The following GABRB1 variants were observed in gnomAD, a reference collection of about 807,000 sequenced individuals.
GABRB1 encodes the protein gamma-aminobutyric acid type A receptor subunit beta1.
Under a neutral mutation model 51.6 loss-of-function variants are expected in GABRB1, and 17 were observed. The ratio of observed to expected loss-of-function variants is 0.33; its 90% CI spans 0.23 to 0.49. The LOEUF (loss-of-function observed/expected upper bound fraction) is 0.49, where lower values mean the gene tolerates loss of function less well. Ranked by LOEUF, GABRB1 falls within the 20% of genes least tolerant of loss-of-function variation. The probability of loss-of-function intolerance (pLI) is 0.99; values close to 1 mark genes in which losing one functional copy is unlikely to be tolerated. For missense variants in GABRB1, 410 were observed against 600.6 expected (o/e 0.68, Z 3.32); for synonymous variants, 247 against 218.9 (o/e 1.13, Z -1.14).
At position 47,107,433 on chromosome 4, in the gene GABRB1, A is replaced by G. The variant is rs536018080; in HGVS notation, c.241-53816A>G. 3.9e-5 allele frequency among the ~76,000 whole-genome samples: 6 copies of G among 152,094 alleles called. No individual in the cohort carries two copies. The East Asian group carries it at 1.2e-3, about 29-fold the overall frequency. ...TTTGTCCCACTGTGATTTTTTTTCA[A>G]TATTGATTTCACTCATCAGAATTTG... On this transcript the variant is annotated intron_variant, in intron 3 of 8. Coordinates refer to ENST00000295454, the MANE Select transcript of GABRB1 (RefSeq NM_000812.4).
rs56838956 is a variant in GABRB1, at chr4:47,254,361, G to GTTTTTTTTTTTTTTTTTTTTTT, written c.462-65756_462-65735dup. Among the ~76,000 whole-genome samples, 6 of 80,966 alleles carry GTTTTTTTTTTTTTTTTTTTTTT rather than the reference G, an allele frequency of 7.4e-5. 1 individual carries two copies. The highest frequency in any genetic ancestry group is 3.1e-4 in the African/African-American group (6 of 19,264). 53.1% of individuals were successfully genotyped at this position (80,966 alleles called of 152,430 possible). A position where few individuals can be genotyped will look rare whatever the true frequency, so the allele number is the denominator to read the frequency against. The stretch of plus-strand genomic sequence containing the variant: ...ATGGTGGATGATGTTTCTTTTCTTT[G>GTTTTTTTTTTTTTTTTTTTTTT]TTTTTTTTTTTTTTTTTTTTTTTTT... On this transcript the variant is annotated intron_variant, in intron 4 of 8. Coordinates refer to ENST00000295454, the MANE Select transcript of GABRB1 (RefSeq NM_000812.4).
chr4:47,095,927 C>T (rs1051347603), intron 3 of GABRB1, among the ~76,000 whole-genome samples: 9 of 152,158 alleles, frequency 5.9e-5, no homozygotes, highest in African/African-American at 2.2e-4. Context: ...GTTTGAGGAA[C>T]AATGCAAAAT....
chr4:47,296,647 C>T (rs941312765), intron 4 of GABRB1, among the ~76,000 whole-genome samples: 2 of 152,150 alleles, frequency 1.3e-5, no homozygotes, highest in Non-Finnish European at 2.9e-5. Flanking sequence ...TAGACTCCCA[C>T]ACAATAATAA....
chr4:47,119,744 G>A (rs1306126439), intron 3 of GABRB1, among the ~76,000 whole-genome samples: 1 of 151,990 alleles, frequency 6.6e-6, no homozygotes, highest in Non-Finnish European at 1.5e-5. Context: ...CCCAACCTCA[G>A]GTGATCTGCC....
chr4:47,277,724 CTT>C (rs1370689106), intron 4 of GABRB1, among the ~76,000 whole-genome samples: 1 of 151,800 alleles, frequency 6.6e-6, no homozygotes, highest in Non-Finnish European at 1.5e-5. Context: ...ATAAACCAAA[CTT>C]CACATCTAAT....
chr4:47,403,783 T>C (rs1728479194), intron 7 of GABRB1, 72 bp downstream of exon 7: 3 of 1,484,026 alleles, frequency 2.0e-6, no homozygotes, highest in East Asian at 4.5e-5. Context: ...TCAGGAATTA[T>C]AGGCAAGGGC....
intron 5 of GABRB1, among the ~76,000 whole-genome samples, chr4:47,366,100 TCATACTACCCATAGACTCAA>T (rs1726971644): frequency 6.6e-6 from 1 of 152,200 alleles, no homozygotes; most frequent in African/African-American, 2.4e-5. Context: ...TTCAGTGCCC[TCATACTACCCATAGACTCAA>T]CATAGGTTCC....
intron 3 of GABRB1, among the ~76,000 whole-genome samples, chr4:47,150,314 AC>A (rs1197640052): frequency 6.9e-4 from 7 of 10,196 alleles, no homozygotes; most frequent in Admixed American, 6.8e-3. Context: ...AATCCATCAC[AC>A]ACACACACAC....
chr4:47,378,337 G>C (rs1021146019), intron 5 of GABRB1, among the ~76,000 whole-genome samples: 8 of 152,316 alleles, frequency 5.3e-5, no homozygotes, highest in African/African-American at 1.4e-4. Flanking sequence ...AGGGCCGGCC[G>C]GCCGCTCCAA....
intron 4 of GABRB1, among the ~76,000 whole-genome samples, chr4:47,206,199 A>G (rs1720112945): frequency 6.6e-6 from 1 of 152,004 alleles, no homozygotes; most frequent in Non-Finnish European, 1.5e-5. Context: ...TGATTAGTTT[A>G]CCAGTTGGGG....
chr4:47,181,930 C>A (rs575455912), intron 4 of GABRB1, among the ~76,000 whole-genome samples: 1 of 152,108 alleles, frequency 6.6e-6, no homozygotes, highest in South Asian at 2.1e-4. Flanking sequence ...TCATGTCTTG[C>A]TCAAAGATAC....
intron 3 of GABRB1, among the ~76,000 whole-genome samples, chr4:47,104,314 G>C (rs1714853587): frequency 6.6e-6 from 1 of 151,430 alleles, no homozygotes; most frequent in Admixed American, 6.6e-5. Context: ...CTGCCTTAAG[G>C]ATTTTGTATT....
intron 3 of GABRB1, among the ~76,000 whole-genome samples, chr4:47,054,605 G>A (rs752838223): frequency 8.8e-5 from 13 of 148,548 alleles, no homozygotes; most frequent in Admixed American, 4.7e-4. Flanking sequence ...TTTTTGAGAT[G>A]GAGTCTTGCT....
intron 1 of GABRB1, among the ~76,000 whole-genome samples, chr4:46,999,769 T>C (rs1469858319): frequency 2.0e-5 from 3 of 152,200 alleles, no homozygotes; most frequent in Admixed American, 6.5e-5. Context: ...TTAATGCCAA[T>C]ATGACTGTTG....
intron 4 of GABRB1, among the ~76,000 whole-genome samples, chr4:47,301,355 G>C (rs1254333493): frequency 6.6e-6 from 1 of 152,114 alleles, no homozygotes; most frequent in Non-Finnish European, 1.5e-5. Flanking sequence ...ATTTTAATAA[G>C]ACTGGACATG....
upstream of GABRB1, chr4:47,031,441 G>C (rs919603438): frequency 4.0e-5 from 23 of 579,372 alleles, no homozygotes; most frequent in Non-Finnish European, 6.7e-5. Flanking sequence ...CTACCCGGAG[G>C]ACATGGAGCA....
intron 4 of GABRB1, among the ~76,000 whole-genome samples, chr4:47,319,004 C>T (rs1419391185): frequency 1.3e-5 from 2 of 152,072 alleles, no homozygotes; most frequent in African/African-American, 2.4e-5. Context: ...TAGCCTACCA[C>T]ACACACTACT....
chr4:47,350,669 T>G (rs946530551), intron 5 of GABRB1, among the ~76,000 whole-genome samples: 1 of 152,078 alleles, frequency 6.6e-6, no homozygotes, highest in African/African-American at 2.4e-5. Flanking sequence ...AGAATGTGAC[T>G]GTATTGCAAG....
At chr4:47,357,075 C>A (rs151024966) in intron 5 of GABRB1, among the ~76,000 whole-genome samples, 26 of 152,256 alleles carry the variant, frequency 1.7e-4, no homozygotes, top group African/African-American at 5.8e-4. Flanking sequence ...TTTCTAATTT[C>A]AAAGTTCATG....
Sources: gnomAD v4.1 joint callset for allele counts (sites outside exome capture counted in the v4.1 genomes callset) on GRCh38, gnomAD v4.1.1 for gene constraint, MANE v1.5 for transcripts, NCBI Gene and HGNC (gene_info 2026-07-23, HGNC 2026-07-21) for gene names.